The following NDUFA9 variants were observed in gnomAD, a reference collection of about 807,000 sequenced individuals.
NDUFA9 encodes the protein NADH:ubiquinone oxidoreductase subunit A9, also known as NADH dehydrogenase [ubiquinone] 1 alpha subcomplex subunit 9, mitochondrial.
In NDUFA9, 23 loss-of-function variants were observed where a neutral mutation model predicts 45.9. The ratio of observed to expected loss-of-function variants is 0.50; its 90% CI spans 0.36 to 0.71. The LOEUF (loss-of-function observed/expected upper bound fraction) is 0.71, where lower values mean the gene tolerates loss of function less well. Ranked by LOEUF, NDUFA9 falls within the 30% of genes least tolerant of loss-of-function variation. NDUFA9 has a pLI of 0.00. For missense variants in NDUFA9, 466 were observed against 488.2 expected (o/e 0.95, Z 0.43); for synonymous variants, 176 against 170.5 (o/e 1.03, Z -0.25).
At chr12:4,651,157 TA>T (rs1185255800) in intron 1 of NDUFA9, among the ~76,000 whole-genome samples, 5 of 152,144 alleles carry the variant, frequency 3.3e-5, no homozygotes, top group Non-Finnish European at 5.9e-5. Context: ...AATAAATACT[TA>T]AAAAAATTAA....
intron 9 of NDUFA9, among the ~76,000 whole-genome samples, chr12:4,683,191 AAAAG>A (rs1200240236): frequency 3.6e-4 from 55 of 151,770 alleles, no homozygotes; most frequent in African/African-American, 1.1e-3. Context: ...AAAAAAAAAA[AAAAG>A]AAAGAAAAGA....
chr12:4,659,951 A>C (rs1945814329), intron 5 of NDUFA9, among the ~76,000 whole-genome samples: 1 of 152,190 alleles, frequency 6.6e-6, no homozygotes, highest in African/African-American at 2.4e-5. Flanking sequence ...TACGGTAGTA[A>C]ATAGAGAGAA....
Position 4,691,490 on chromosome 12 carries a change from A to T in NDUFA9, c.*4382A>T, listed in dbSNP as rs1353068366. On this transcript the variant is annotated 3_prime_UTR_variant, in exon 11 of 11. Transcript: ENST00000266544. ...AAACTGATGCCTTGTTCCAGAAAGG[A>T]TTTAAGGATGCTCAGGAGGAAGACA... is the stretch of plus-strand genomic sequence containing the variant. The T allele has an allele frequency of 6.6e-6, 1 of 152,172 alleles. No homozygotes were observed. Among genetic ancestry groups the T allele is most frequent in the Non-Finnish European group, 1.5e-5 (1 of 68,032 alleles). The allele number at this position is 152,172 out of a possible 1,614,324, so 9.4% of individuals were successfully genotyped here.
chr12:4,654,490 C>G (rs1399485752), intron 2 of NDUFA9, 28 bp downstream of exon 2: 1 of 1,609,890 alleles, frequency 6.2e-7, no homozygotes, highest in African/African-American at 1.3e-5. Flanking sequence ...AGTTCATATG[C>G]TCCATTGCCA....
At chr12:4,679,774 G>C (rs1565571756) in intron 8 of NDUFA9, among the ~76,000 whole-genome samples, 1 of 152,188 alleles carries the variant, frequency 6.6e-6, no homozygotes, top group East Asian at 1.9e-4. Flanking sequence ...AGAAGGCTAT[G>C]AAACATGAAT....
chr12:4,670,863 A>T (rs1350350587), intron 8 of NDUFA9, among the ~76,000 whole-genome samples: 1 of 152,262 alleles, frequency 6.6e-6, no homozygotes, highest in African/African-American at 2.4e-5. Flanking sequence ...TACATGGACT[A>T]GGATTTCAGG....
intron 10 of NDUFA9, among the ~76,000 whole-genome samples, chr12:4,686,042 TC>T: frequency 6.6e-6 from 1 of 152,346 alleles, no homozygotes; most frequent in Non-Finnish European, 1.5e-5. Context: ...TCACATACTT[TC>T]TTCAGACATG....
intron 8 of NDUFA9, among the ~76,000 whole-genome samples, chr12:4,671,574 T>G (rs963060639): frequency 3.3e-5 from 5 of 152,244 alleles, no homozygotes; most frequent in African/African-American, 9.6e-5. Flanking sequence ...TCCAACAGAC[T>G]TTTTTGCAGA....
chr12:4,655,969 TG>T (rs1945788140), intron 3 of NDUFA9: 1 of 152,238 alleles, frequency 6.6e-6, no homozygotes, highest in Admixed American at 6.5e-5. Flanking sequence ...CGATACTGTC[TG>T]GGCCTTGATG....
At chr12:4,650,414 C>T (rs1455021250) in intron 1 of NDUFA9, among the ~76,000 whole-genome samples, 3 of 152,154 alleles carry the variant, frequency 2.0e-5, no homozygotes, top group Non-Finnish European at 2.9e-5. Context: ...GAATGGTAAT[C>T]ACTATTTATT....
At chr12:4,649,316 C>T in intron 1 of NDUFA9, 141 bp downstream of exon 1, 15 of 941,204 alleles carry the variant, frequency 1.6e-5, no homozygotes, top group Admixed American at 4.6e-5. Context: ...CTGCCTCAGT[C>T]TGGTTTCTCC....
At chr12:4,655,554 A>T (rs1945784906) in intron 3 of NDUFA9, among the ~76,000 whole-genome samples, 1 of 152,246 alleles carries the variant, frequency 6.6e-6, no homozygotes, top group African/African-American at 2.4e-5. Context: ...ATGTATTATT[A>T]AAATGAATTT....
chr12:4,667,938 C>T (rs1945863219), intron 6 of NDUFA9, among the ~76,000 whole-genome samples: 1 of 152,138 alleles, frequency 6.6e-6, no homozygotes. Context: ...AAGACATTAT[C>T]TCACCTTTTT....
At chr12:4,661,002 G>T (rs1945820192) in intron 5 of NDUFA9, among the ~76,000 whole-genome samples, 1 of 150,838 alleles carries the variant, frequency 6.6e-6, no homozygotes, top group Non-Finnish European at 1.5e-5. Context: ...GAGTTGGTAT[G>T]TTTTTTTTTA....
intron 1 of NDUFA9, among the ~76,000 whole-genome samples, chr12:4,651,919 T>G (rs890138778): frequency 3.9e-5 from 6 of 152,216 alleles, no homozygotes; most frequent in African/African-American, 1.4e-4. Flanking sequence ...CTGGCCTTAT[T>G]TTAAATTCAT....
intron 1 of NDUFA9, chr12:4,653,700 G>A (rs1945772505): frequency 8.1e-6 from 3 of 372,194 alleles, no homozygotes; most frequent in South Asian, 6.1e-5. Context: ...CTATTGAACT[G>A]CATTCTTTTT....
intron 6 of NDUFA9, 98 bp downstream of exon 6, chr12:4,662,733 A>G: frequency 4.3e-6 from 4 of 932,360 alleles, no homozygotes; most frequent in Non-Finnish European, 6.5e-6. Context: ...GACTAAGGAT[A>G]TATTTTTTCT....
chr12:4,661,893 G>A (rs1282527353), intron 5 of NDUFA9, among the ~76,000 whole-genome samples: 1 of 152,038 alleles, frequency 6.6e-6, no homozygotes, highest in Non-Finnish European at 1.5e-5. Flanking sequence ...TGGTAGAGGT[G>A]GAAGGAAGAG....
intron 8 of NDUFA9, among the ~76,000 whole-genome samples, chr12:4,678,253 G>T (rs1945932192): frequency 6.6e-6 from 1 of 151,778 alleles, no homozygotes; most frequent in African/African-American, 2.4e-5. Context: ...TGTACGTTCT[G>T]CACATGTACC....
Sources: allele counts gnomAD v4.1 joint callset (sites outside exome capture counted in the v4.1 genomes callset), GRCh38; gene constraint gnomAD v4.1.1; transcripts MANE v1.5; gene names NCBI Gene and HGNC (gene_info 2026-07-23, HGNC 2026-07-21).